Variants in PPFIBP2 observed in about 807,000 individuals in gnomAD.
PPFIBP2 encodes liprin-beta-2.
PPFIBP2 carries 118 observed loss-of-function variants against 118.3 expected under a neutral mutation model. That is an observed-to-expected ratio of 1.00 (90% CI 0.86 to 1.16). The LOEUF is 1.16. Among genes scored for constraint, PPFIBP2 ranks in the 50% most tolerant of loss-of-function variants. The probability of loss-of-function intolerance (pLI) is 0.00; values close to 1 mark genes in which losing one functional copy is unlikely to be tolerated. For synonymous variants in PPFIBP2, 414 were observed against 397.4 expected, an observed-to-expected ratio of 1.04 and a Z score of -0.50; for missense variants, 1,195 against 1,073.1, an observed-to-expected ratio of 1.11 and a Z score of -1.59.
intron 2 of PPFIBP2, among the ~76,000 whole-genome samples, chr11:7,561,501 C>T (rs1206061547): frequency 6.6e-6 from 1 of 152,194 alleles, no homozygotes; most frequent in Non-Finnish European, 1.5e-5. Context: ...ATCTTCCTCT[C>T]ACTCAGTTTT....
chr11:7,655,946 C>G (rs1854646493), downstream of PPFIBP2, among the ~76,000 whole-genome samples: 1 of 152,154 alleles, frequency 6.6e-6, no homozygotes, highest in South Asian at 2.1e-4. Flanking sequence ...AGAGTGTTGA[C>G]AGGCTTGTGA....
intron 5 of PPFIBP2, chr11:7,606,052 A>G (rs995243797): frequency 2.0e-6 from 3 of 1,527,412 alleles, no homozygotes; most frequent in Admixed American, 2.0e-5. Context: ...CAAAAGCCTG[A>G]AGGAAGTAGG....
intron 1 of PPFIBP2, among the ~76,000 whole-genome samples, chr11:7,521,600 A>C (rs1849765258): frequency 6.6e-6 from 1 of 152,184 alleles, no homozygotes; most frequent in South Asian, 2.1e-4. Context: ...TATCACATCA[A>C]ACAAAGATCT....
At chr11:7,577,636 AGGGTAAGTGACT>A (rs772673304) in intron 3 of PPFIBP2, 223 of 455,380 alleles carry the variant, frequency 4.9e-4, no homozygotes, top group Non-Finnish European at 7.8e-4. Flanking sequence ...GTGGCTGAAG[AGGGTAAGTGACT>A]GGCTGCTTTG....
intron 3 of PPFIBP2, among the ~76,000 whole-genome samples, chr11:7,574,616 G>T (rs1856061393): frequency 6.6e-6 from 1 of 152,194 alleles, no homozygotes; most frequent in Non-Finnish European, 1.5e-5. Flanking sequence ...CAAGTGAGGT[G>T]CCCTGGACAG....
At chr11:7,626,178 G>A (rs1384848927) in intron 8 of PPFIBP2, among the ~76,000 whole-genome samples, 3 of 152,150 alleles carry the variant, frequency 2.0e-5, no homozygotes, top group African/African-American at 7.2e-5. Flanking sequence ...GCCACCTCTG[G>A]AGCTTTTACT....
Position 7,651,684 on chromosome 11 carries a change from C to A in PPFIBP2, c.2276C>A (p.Thr759Asn), listed in dbSNP as rs910182094. 2.5e-6 allele frequency: 4 copies of A among 1,612,572 alleles called. No individual in the cohort carries two copies. The African/African-American group carries it at 5.3e-5, about 22-fold the overall frequency. ...CTGGAGCCACGCTTCACTGGGGACACCCTGGCTATGCTTCTCAACATCCCC... is the reference window on the plus strand; with the variant it reads ...CTGGAGCCACGCTTCACTGGGGACAACCTGGCTATGCTTCTCAACATCCCC... ...IILEPRFTGD[T>N]LAMLLNIPPQ... Residue 759 changes from threonine (T) to asparagine (N), a missense_variant, in exon 23 of 24, where the codon ACC becomes AAC. By Grantham distance (65) the Thr-to-Asn change is moderately conservative (BLOSUM62 0). Coordinates refer to ENST00000299492, the MANE Select transcript of PPFIBP2 (RefSeq NM_003621.5).
At chr11:7,549,703 A>G (rs1159032726) in intron 2 of PPFIBP2, among the ~76,000 whole-genome samples, 164 bp downstream of exon 2, 2 of 138,766 alleles carry the variant, frequency 1.4e-5, no homozygotes, top group Non-Finnish European at 1.5e-5. Context: ...TTTTTCTTTG[A>G]TACGAACTTA....
chr11:7,609,582 T>C (rs1004350770), intron 5 of PPFIBP2, among the ~76,000 whole-genome samples: 6 of 152,248 alleles, frequency 3.9e-5, no homozygotes, highest in Non-Finnish European at 8.8e-5. Flanking sequence ...ACAGGTTTGT[T>C]GTCAAAGCCC....
At chr11:7,662,914 AT>A in the PPFIBP2 span, among the ~76,000 whole-genome samples, 1 of 136,170 alleles carries the variant, frequency 7.3e-6, no homozygotes, top group Non-Finnish European at 1.7e-5. Flanking sequence ...TCCATCACTG[AT>A]ACCCTTTCTT....
At chr11:7,540,973 CA>C (rs1292720799) in intron 1 of PPFIBP2, among the ~76,000 whole-genome samples, 1 of 152,078 alleles carries the variant, frequency 6.6e-6, no homozygotes, top group Non-Finnish European at 1.5e-5. Context: ...AGAGGTCTGC[CA>C]AAAGGTATGT....
At chr11:7,520,268 G>A (rs879625497) in intron 1 of PPFIBP2, among the ~76,000 whole-genome samples, 5 of 152,146 alleles carry the variant, frequency 3.3e-5, no homozygotes, top group Non-Finnish European at 5.9e-5. Context: ...TAGCTGCTAC[G>A]TGGTACCCAG....
At chr11:7,643,580 G>C (rs58511218) in intron 17 of PPFIBP2, among the ~76,000 whole-genome samples, 4,497 of 152,314 alleles carry the variant, frequency 0.03, 197 homozygotes, top group African/African-American at 0.1. Context: ...AAGAAGTCCT[G>C]ATGAGATTGT....
chr11:7,631,565 T>C (rs1224716532), intron 11 of PPFIBP2, among the ~76,000 whole-genome samples: 4 of 152,136 alleles, frequency 2.6e-5, no homozygotes, highest in African/African-American at 7.2e-5. Context: ...TCTGGTCCTA[T>C]TGTATGAATC....
intron 1 of PPFIBP2, among the ~76,000 whole-genome samples, chr11:7,515,465 T>C (rs1309740554): frequency 1.3e-5 from 2 of 152,160 alleles, no homozygotes; most frequent in Admixed American, 6.5e-5. Flanking sequence ...AACAAAGTTA[T>C]GGGAATTCCT....
intron 6 of PPFIBP2, among the ~76,000 whole-genome samples, chr11:7,611,948 A>G (rs7120440): frequency 0.14 from 21,701 of 152,216 alleles, 2,098 homozygotes; most frequent in African/African-American, 0.27. Context: ...GTATTTTACC[A>G]ATGTTTCAAC....
At position 7,635,599 on chromosome 11, in the gene PPFIBP2, T is replaced by C; in HGVS notation, c.1236+6T>C. The C allele has an allele frequency of 6.2e-7, 1 of 1,604,510 alleles. No homozygotes were observed. Among genetic ancestry groups the C allele is most frequent in the South Asian group, 1.1e-5 (1 of 90,894 alleles). On this transcript the variant is annotated splice_donor_region_variant and intron_variant, in intron 14 of 23. Coordinates refer to ENST00000299492, the MANE Select transcript of PPFIBP2 (RefSeq NM_003621.5). ...TCCCGGTGTTAGAACCCAAGGTACA[T>C]TGACTTCGTGCCCCGTCGTCTATTT... is the stretch of plus-strand genomic sequence containing the variant.
At chr11:7,643,564 C>T (rs905014538) in intron 17 of PPFIBP2, among the ~76,000 whole-genome samples, 9 of 152,098 alleles carry the variant, frequency 5.9e-5, no homozygotes, top group Non-Finnish European at 8.8e-5. Flanking sequence ...AAAGGGAAGA[C>T]GTATGAAGAA....
At chr11:7,606,140 C>G (rs999259876) in intron 5 of PPFIBP2, 1 of 1,143,676 alleles carries the variant, frequency 8.7e-7, no homozygotes, top group African/African-American at 1.6e-5. Flanking sequence ...TGCAGATGGT[C>G]GGGGGGCAAA....
Sources: gnomAD v4.1 joint callset for allele counts (sites outside exome capture counted in the v4.1 genomes callset) on GRCh38, gnomAD v4.1.1 for gene constraint, MANE v1.5 for transcripts, NCBI Gene and HGNC (gene_info 2026-07-23, HGNC 2026-07-21) for gene names.